Variants in GRID2 observed in about 807,000 individuals in gnomAD.
GRID2 encodes glutamate ionotropic receptor delta type subunit 2.
GRID2 carries 33 observed loss-of-function variants against 114.8 expected under a neutral mutation model. The observed-to-expected ratio is 0.29, with a 90% CI of 0.22 to 0.38. The LOEUF (loss-of-function observed/expected upper bound fraction) is 0.38, where lower values mean the gene tolerates loss of function less well. GRID2 is among the 10% of genes least tolerant of loss of function. The pLI, the probability that GRID2 is intolerant of heterozygous loss-of-function variation, is 1.00. For synonymous variants in GRID2, 505 were observed against 449.9 expected, an observed-to-expected ratio of 1.12 and a Z score of -1.55; for missense variants, 1,184 against 1,257.7, an observed-to-expected ratio of 0.94 and a Z score of 0.89.
At chr4:93,426,391 A>G (rs950269041) in intron 10 of GRID2, among the ~76,000 whole-genome samples, 4 of 152,278 alleles carry the variant, frequency 2.6e-5, no homozygotes. Context: ...CGTTAAAATT[A>G]GTGTAAAGAA....
chr4:93,084,008 A>T (rs1203744572), intron 2 of GRID2, among the ~76,000 whole-genome samples: 1 of 152,182 alleles, frequency 6.6e-6, no homozygotes, highest in Non-Finnish European at 1.5e-5. Flanking sequence ...AAAACAATTT[A>T]TAATAAATTT....
chr4:93,382,254 T>G (rs1763923880), intron 8 of GRID2, among the ~76,000 whole-genome samples: 1 of 152,098 alleles, frequency 6.6e-6, no homozygotes. Context: ...TTTACTGAGC[T>G]TCTTAAATGT....
intron 4 of GRID2, among the ~76,000 whole-genome samples, chr4:93,166,649 C>G (rs1738277635): frequency 6.6e-6 from 1 of 152,004 alleles, no homozygotes; most frequent in Non-Finnish European, 1.5e-5. Context: ...ATGAGGAATC[C>G]CAGAAGCCTC....
chr4:92,694,000 G>A (rs897413547), intron 2 of GRID2, among the ~76,000 whole-genome samples: 2 of 152,084 alleles, frequency 1.3e-5, no homozygotes, highest in African/African-American at 2.4e-5. Context: ...CAGCAGATGT[G>A]GACTATCCTT....
chr4:93,614,120 C>G (rs1187831052), intron 13 of GRID2, among the ~76,000 whole-genome samples: 2 of 152,166 alleles, frequency 1.3e-5, no homozygotes, highest in Non-Finnish European at 2.9e-5. Flanking sequence ...AAGGGAACTC[C>G]CTGACCCCTT....
intron 14 of GRID2, among the ~76,000 whole-genome samples, chr4:93,663,323 C>A (rs1723663903): frequency 6.6e-6 from 1 of 152,108 alleles, no homozygotes; most frequent in South Asian, 2.1e-4. Flanking sequence ...CATGAAGAGT[C>A]CTCTTAAGAT....
intron 2 of GRID2, among the ~76,000 whole-genome samples, chr4:92,963,680 T>C (rs189228028): frequency 3.9e-5 from 6 of 152,140 alleles, no homozygotes; most frequent in African/African-American, 1.4e-4. Context: ...CTTCTGCTCA[T>C]GTTGATTATG....
At chr4:92,815,934 AAAAAG>A (rs1740876524) in intron 2 of GRID2, among the ~76,000 whole-genome samples, 1 of 146,712 alleles carries the variant, frequency 6.8e-6, no homozygotes, top group Non-Finnish European at 1.5e-5. Flanking sequence ...AAAAAAAAAA[AAAAAG>A]GAAAGAAAAA....
At chr4:92,521,557 A>G (rs1724779895) in intron 1 of GRID2, among the ~76,000 whole-genome samples, 1 of 151,984 alleles carries the variant, frequency 6.6e-6, no homozygotes, top group Non-Finnish European at 1.5e-5. Flanking sequence ...CTTTATTCAC[A>G]GAGAATCATT....
At chr4:93,157,761 T>A (rs1357931123) in intron 4 of GRID2, among the ~76,000 whole-genome samples, 1 of 151,702 alleles carries the variant, frequency 6.6e-6, no homozygotes, top group Non-Finnish European at 1.5e-5. Flanking sequence ...CTTGCTGAAC[T>A]CTCATGCTCT....
At chr4:92,703,826 C>T (rs1056468027) in intron 2 of GRID2, among the ~76,000 whole-genome samples, 1 of 151,926 alleles carries the variant, frequency 6.6e-6, no homozygotes, top group African/African-American at 2.4e-5. Flanking sequence ...TTTACTCAAA[C>T]TGGGCTTCTA....
At chr4:93,722,596 A>G (rs1280541935) in intron 14 of GRID2, among the ~76,000 whole-genome samples, 1 of 152,136 alleles carries the variant, frequency 6.6e-6, no homozygotes, top group Non-Finnish European at 1.5e-5. Context: ...CAATCCACCC[A>G]ATCACTCAAA....
At chr4:93,351,281 T>C (rs776338184) in intron 8 of GRID2, among the ~76,000 whole-genome samples, 5 of 152,036 alleles carry the variant, frequency 3.3e-5, no homozygotes, top group African/African-American at 4.8e-5. Flanking sequence ...GAGAGTTTTA[T>C]AGAAAATTTG....
At chr4:93,256,849 C>A (rs768900177) in intron 8 of GRID2, among the ~76,000 whole-genome samples, 7 of 151,754 alleles carry the variant, frequency 4.6e-5, no homozygotes, top group Non-Finnish European at 1.0e-4. Flanking sequence ...GACAGACATA[C>A]AAAACAATTT....
At chr4:92,605,337 T>G (rs1484095249) in intron 2 of GRID2, among the ~76,000 whole-genome samples, 2 of 152,092 alleles carry the variant, frequency 1.3e-5, no homozygotes, top group Non-Finnish European at 2.9e-5. Context: ...TTCACTTATT[T>G]GTAGGATACT....
chr4:93,121,718 C>T (rs1000685985), intron 4 of GRID2, among the ~76,000 whole-genome samples: 15 of 152,118 alleles, frequency 9.9e-5, no homozygotes, highest in African/African-American at 3.4e-4. Context: ...GCTGATGCTG[C>T]CAGTTTCCCA....
At chr4:92,329,862 G>A (rs1370133595) in intron 1 of GRID2, among the ~76,000 whole-genome samples, 1 of 151,778 alleles carries the variant, frequency 6.6e-6, no homozygotes. Context: ...CTGAGGAAAT[G>A]ACATACAACA....
chr4:93,485,312 A>G (rs1726276946), intron 11 of GRID2, among the ~76,000 whole-genome samples: 1 of 151,732 alleles, frequency 6.6e-6, no homozygotes, highest in African/African-American at 2.4e-5. Context: ...AGGTATATGT[A>G]TTATAAATAT....
chr4:92,509,118 T>C (rs1281985708), intron 1 of GRID2, among the ~76,000 whole-genome samples: 1 of 151,628 alleles, frequency 6.6e-6, no homozygotes, highest in Non-Finnish European at 1.5e-5. Context: ...AACTGATAGA[T>C]TGGATTTGGA....
Sources: gnomAD v4.1 joint callset for allele counts (sites outside exome capture counted in the v4.1 genomes callset) on GRCh38, gnomAD v4.1.1 for gene constraint, MANE v1.5 for transcripts, NCBI Gene and HGNC (gene_info 2026-07-23, HGNC 2026-07-21) for gene names.